Variants in SGCD observed in about 807,000 individuals in gnomAD.
SGCD encodes delta-sarcoglycan.
SGCD carries 18 observed loss-of-function variants against 36.6 expected under a neutral mutation model. That is an observed-to-expected ratio of 0.49 (90% CI 0.34 to 0.73). The LOEUF is 0.73. Ranked by LOEUF, SGCD falls within the 30% of genes least tolerant of loss-of-function variation. SGCD has a pLI of 0.01. For missense variants in SGCD, 387 were observed against 346.7 expected (o/e 1.12, Z -0.92); for synonymous variants, 133 against 130.6 (o/e 1.02, Z -0.12).
At chr5:156,533,638 A>T (rs1757978030) in intron 4 of SGCD, among the ~76,000 whole-genome samples, 1 of 152,176 alleles carries the variant, frequency 6.6e-6, no homozygotes, top group African/African-American at 2.4e-5. Flanking sequence ...CATAGAAAAT[A>T]AGAGTGACTC....
the SGCD span, among the ~76,000 whole-genome samples, chr5:155,797,119 A>C: frequency 6.6e-6 from 1 of 152,184 alleles, no homozygotes; most frequent in East Asian, 1.9e-4. Context: ...GAAAATGAAA[A>C]CTGAAAAGTA....
intron 1 of SGCD, among the ~76,000 whole-genome samples, chr5:156,015,079 G>A (rs1306513579): frequency 6.6e-6 from 1 of 152,184 alleles, no homozygotes; most frequent in Non-Finnish European, 1.5e-5. Flanking sequence ...AAGAAGCAGT[G>A]TGTGAGGAGA....
intron 3 of SGCD, among the ~76,000 whole-genome samples, chr5:156,232,974 G>A (rs1446826767): frequency 6.6e-6 from 1 of 152,168 alleles, no homozygotes; most frequent in East Asian, 1.9e-4. Flanking sequence ...GTGTATGGTA[G>A]CTAGAGATGA....
In SGCD at chr5:156,589,225, T is replaced by C; in HGVS notation, c.295-6T>C. On this transcript the variant is annotated splice_polypyrimidine_tract_variant and splice_region_variant and intron_variant, in intron 4 of 8. Coordinates refer to ENST00000337851, the MANE Select transcript of SGCD (RefSeq NM_000337.6). Reference sequence around the variant, plus strand: ...TTCATGTCTTTCTCTTATTTTCTTATTGCAGGGTAATGCCCTGTACTTCAA... The same window carrying C: ...TTCATGTCTTTCTCTTATTTTCTTACTGCAGGGTAATGCCCTGTACTTCAA... The C allele has an allele frequency of 1.3e-6, 2 of 1,539,142 alleles. No homozygotes were observed. Among genetic ancestry groups the C allele is most frequent in the Non-Finnish European group, 1.8e-6 (2 of 1,131,092 alleles).
In SGCD at chr5:155,892,928, C is replaced by T. The variant is rs142783456; in HGVS notation, c.-282+22504C>T. ...GAGTTAATCTTATAGAAATAGAGAGCAGAGTAGTGGTTACCAGCAGCCAAG... is the reference window on the plus strand; with the variant it reads ...GAGTTAATCTTATAGAAATAGAGAGTAGAGTAGTGGTTACCAGCAGCCAAG... On this transcript the variant is annotated intron_variant, in intron 1 of 9. Coordinates refer to the SGCD transcript ENST00000517913. Among the ~76,000 whole-genome samples, 352 of 152,226 alleles carry T rather than the reference C, an allele frequency of 2.3e-3. 1 individual carries two copies. Among genetic ancestry groups the T allele is most frequent in the African/African-American group, 7.9e-3 (330 of 41,514 alleles).
the SGCD span, among the ~76,000 whole-genome samples, chr5:155,784,814 A>G: frequency 4.6e-5 from 7 of 152,268 alleles, no homozygotes; most frequent in East Asian, 1.3e-3. Context: ...TACTAGTTTT[A>G]AGCTAGGTAG....
intron 3 of SGCD, among the ~76,000 whole-genome samples, chr5:156,436,776 A>T (rs368049990): frequency 2.8e-4 from 43 of 152,194 alleles, no homozygotes; most frequent in Non-Finnish European, 4.1e-4. Context: ...CTGGTTTTAT[A>T]AAGATTTAGA....
chr5:155,897,795 A>T (rs898097276), intron 1 of SGCD, among the ~76,000 whole-genome samples: 1 of 152,198 alleles, frequency 6.6e-6, no homozygotes, highest in East Asian at 1.9e-4. Flanking sequence ...TAGTTCTATT[A>T]TAATCTTAAA....
the SGCD span, among the ~76,000 whole-genome samples, chr5:155,761,786 A>G: frequency 6.7e-6 from 1 of 150,010 alleles, no homozygotes; most frequent in African/African-American, 2.5e-5. Flanking sequence ...CATCATCTCC[A>G]TCACCATCTC....
chr5:156,686,107 C>T (rs1268895265), intron 7 of SGCD, among the ~76,000 whole-genome samples: 1 of 152,146 alleles, frequency 6.6e-6, no homozygotes, highest in African/African-American at 2.4e-5. Context: ...ATGTATTGAA[C>T]AATGTGTAAA....
chr5:156,077,781 A>T (rs925061879), intron 1 of SGCD, among the ~76,000 whole-genome samples: 1 of 152,146 alleles, frequency 6.6e-6, no homozygotes. Context: ...GGTGTCTGAC[A>T]CTACTGTGTA....
upstream of SGCD, among the ~76,000 whole-genome samples, chr5:156,326,586 T>C (rs1243663432): frequency 1.3e-5 from 2 of 152,184 alleles, no homozygotes; most frequent in Admixed American, 1.3e-4. Flanking sequence ...AATTGAAATT[T>C]TGAGCAAAGA....
chr5:156,755,917 GCT>G (rs1757317733), intron 7 of SGCD, among the ~76,000 whole-genome samples: 1 of 152,188 alleles, frequency 6.6e-6, no homozygotes, highest in Non-Finnish European at 1.5e-5. Flanking sequence ...ATGTGGATGA[GCT>G]CTCTCTTGGC....
intron 1 of SGCD, among the ~76,000 whole-genome samples, chr5:155,942,181 C>G (rs1227701513): frequency 6.6e-6 from 1 of 152,040 alleles, no homozygotes; most frequent in African/African-American, 2.4e-5. Flanking sequence ...ATAATGGAGA[C>G]TGGACAAAAG....
chr5:155,732,896 A>G, the SGCD span, among the ~76,000 whole-genome samples: 9 of 152,208 alleles, frequency 5.9e-5, no homozygotes, highest in South Asian at 2.1e-4. Flanking sequence ...TACAAAAAGT[A>G]GTAAACTCCA....
At chr5:156,388,931 G>A (rs1277796556) in intron 3 of SGCD, among the ~76,000 whole-genome samples, 2 of 152,090 alleles carry the variant, frequency 1.3e-5, no homozygotes, top group East Asian at 1.9e-4. Flanking sequence ...AATCTACTAG[G>A]ATCTCATTAC....
intron 1 of SGCD, among the ~76,000 whole-genome samples, chr5:156,071,424 C>T (rs1473581026): frequency 6.6e-6 from 1 of 152,090 alleles, no homozygotes; most frequent in East Asian, 1.9e-4. Context: ...GTTCAGTTTC[C>T]ATGTAGTTGA....
intron 3 of SGCD, among the ~76,000 whole-genome samples, chr5:156,471,463 AATATAAAGTCCAGAAATTGACTCATAC>A (rs965527298): frequency 6.6e-6 from 1 of 152,166 alleles, no homozygotes; most frequent in African/African-American, 2.4e-5. Flanking sequence ...AATAGGACAA[AATATAAAGTCCAGAAATTGACTCATAC>A]ATATACAGTC....
chr5:156,306,348 C>A (rs1217602797), intron 3 of SGCD, among the ~76,000 whole-genome samples: 3 of 152,130 alleles, frequency 2.0e-5, no homozygotes, highest in Non-Finnish European at 2.9e-5. Flanking sequence ...CCTGCACAAG[C>A]TCTCTCTTTG....
Sources: allele counts gnomAD v4.1 joint callset (sites outside exome capture counted in the v4.1 genomes callset), GRCh38; gene constraint gnomAD v4.1.1; transcripts MANE v1.5; gene names NCBI Gene and HGNC (gene_info 2026-07-23, HGNC 2026-07-21).